Variants in SPAG16 observed in about 807,000 individuals in gnomAD.
SPAG16 encodes sperm associated antigen 16.
A neutral mutation model predicts 80.4 loss-of-function variants in SPAG16; 86 were observed. The ratio of observed to expected loss-of-function variants is 1.07; its 90% CI spans 0.90 to 1.28. The LOEUF (loss-of-function observed/expected upper bound fraction) is 1.28. SPAG16 is among the 50% of genes most tolerant of loss of function. The pLI is 0.00. For missense variants in SPAG16, 870 were observed against 765.3 expected (o/e 1.14, Z -1.61); for synonymous variants, 294 against 265.9 (o/e 1.11, Z -1.03).
At chr2:213,813,220 G>C (rs6705291) in intron 10 of SPAG16, among the ~76,000 whole-genome samples, 52,920 of 152,068 alleles carry the variant, frequency 0.35, 9,802 homozygotes, top group East Asian at 0.51. Flanking sequence ...CCTTCAAAGA[G>C]AGGCAGGGCA....
At chr2:214,006,698 T>C (rs1185407071) in intron 12 of SPAG16, among the ~76,000 whole-genome samples, 2 of 152,222 alleles carry the variant, frequency 1.3e-5, no homozygotes, top group Non-Finnish European at 2.9e-5. Flanking sequence ...ATCACTTTAG[T>C]CCATTTTCAC....
chr2:213,936,840 T>C (rs1364770684), intron 12 of SPAG16, among the ~76,000 whole-genome samples: 1 of 152,178 alleles, frequency 6.6e-6, no homozygotes, highest in Non-Finnish European at 1.5e-5. Context: ...AATGTTTCCC[T>C]TCTGCCCACT....
intron 15 of SPAG16, among the ~76,000 whole-genome samples, chr2:214,154,671 T>C (rs1432664746): frequency 6.6e-6 from 1 of 152,142 alleles, no homozygotes; most frequent in East Asian, 1.9e-4. Flanking sequence ...AGAGAACATT[T>C]ATTTAGAAGT....
intron 11 of SPAG16, among the ~76,000 whole-genome samples, chr2:213,908,128 A>G (rs1346280122): frequency 6.6e-6 from 1 of 152,172 alleles, no homozygotes; most frequent in Non-Finnish European, 1.5e-5. Flanking sequence ...GCACATAAAT[A>G]TGTACAATTA....
chr2:214,360,946 C>T (rs1699145190), intron 15 of SPAG16, among the ~76,000 whole-genome samples: 1 of 151,730 alleles, frequency 6.6e-6, no homozygotes, highest in Non-Finnish European at 1.5e-5. Context: ...ATGAATGGGC[C>T]CCCAAAAATC....
intron 11 of SPAG16, among the ~76,000 whole-genome samples, chr2:213,926,510 C>A (rs763920581): frequency 2.0e-5 from 3 of 151,898 alleles, no homozygotes; most frequent in African/African-American, 7.3e-5. Context: ...ATTTTTTTTC[C>A]GGATTTATTT....
At chr2:213,454,831 T>G (rs996827985) in intron 9 of SPAG16, among the ~76,000 whole-genome samples, 1 of 152,198 alleles carries the variant, frequency 6.6e-6, no homozygotes, top group Non-Finnish European at 1.5e-5. Context: ...CAGTTTACGT[T>G]ATTGTCTTAT....
At chr2:213,742,322 G>A (rs1449066369) in intron 10 of SPAG16, among the ~76,000 whole-genome samples, 1 of 151,938 alleles carries the variant, frequency 6.6e-6, no homozygotes, top group African/African-American at 2.4e-5. Flanking sequence ...AGAATACAAG[G>A]ACATTAGTAT....
At chr2:213,881,439 C>T (rs1372288613) in intron 11 of SPAG16, among the ~76,000 whole-genome samples, 1 of 152,156 alleles carries the variant, frequency 6.6e-6, no homozygotes. Context: ...TCTTCTTTTT[C>T]TCTTTGGATG....
intron 10 of SPAG16, among the ~76,000 whole-genome samples, chr2:213,854,294 A>G (rs557922639): frequency 1.3e-5 from 2 of 152,352 alleles, no homozygotes; most frequent in East Asian, 3.9e-4. Context: ...AACTATATGA[A>G]GGGCCAAATT....
chr2:214,132,865 G>A (rs2125503151), intron 14 of SPAG16, among the ~76,000 whole-genome samples: 1 of 152,216 alleles, frequency 6.6e-6, no homozygotes, highest in Non-Finnish European at 1.5e-5. Flanking sequence ...GGCCTAGGCG[G>A]GCGGATCACC....
intron 5 of SPAG16, among the ~76,000 whole-genome samples, chr2:213,336,787 G>A (rs560463192): frequency 6.6e-6 from 1 of 152,282 alleles, no homozygotes; most frequent in South Asian, 2.1e-4. Context: ...ATGGATCAGT[G>A]GTCTTTGTCT....
At chr2:213,537,943 T>C (rs2076306752) in intron 10 of SPAG16, among the ~76,000 whole-genome samples, 1 of 152,160 alleles carries the variant, frequency 6.6e-6, no homozygotes, top group Non-Finnish European at 1.5e-5. Flanking sequence ...AAAGTATCAG[T>C]GGGGTTTATT....
chr2:213,748,288 A>G (rs1031449355), intron 10 of SPAG16, among the ~76,000 whole-genome samples: 2 of 152,194 alleles, frequency 1.3e-5, no homozygotes, highest in African/African-American at 4.8e-5. Flanking sequence ...TGCATGTTTC[A>G]GAAGCACTTT....
intron 13 of SPAG16, among the ~76,000 whole-genome samples, chr2:214,056,938 C>A (rs2049975176): frequency 6.6e-6 from 1 of 152,268 alleles, no homozygotes; most frequent in Non-Finnish European, 1.5e-5. Context: ...CCATAAGAAG[C>A]AACTTCTCAT....
rs2075109412 is a variant in SPAG16 at position 213,855,465 on chromosome 2, A to G, written c.1071-7020A>G. On this transcript the variant is annotated intron_variant, in intron 10 of 15. Transcript: ENST00000331683. ...ATGGGGATAGTGGTAAACGTAACTC[A>G]TAGGAGAACAGGAATATCTCATTTT... Among the ~76,000 whole-genome samples, 4 of 152,366 alleles carry G rather than the reference A, an allele frequency of 2.6e-5. No individual in the cohort carries two copies. In the South Asian group the frequency reaches 8.3e-4, roughly 32 times the overall value.
intron 10 of SPAG16, among the ~76,000 whole-genome samples, chr2:213,723,985 A>G (rs1400787024): frequency 1.3e-5 from 2 of 152,202 alleles, no homozygotes; most frequent in Non-Finnish European, 2.9e-5. Context: ...TCAGGGTGAG[A>G]GAGAGAAAGA....
chr2:213,644,699 T>C (rs1479427678), intron 10 of SPAG16, among the ~76,000 whole-genome samples: 1 of 152,196 alleles, frequency 6.6e-6, no homozygotes, highest in Non-Finnish European at 1.5e-5. Flanking sequence ...AGTCAGTCTC[T>C]TTCTCTCTTT....
chr2:213,548,257 G>T (rs2076676286), intron 10 of SPAG16, among the ~76,000 whole-genome samples: 2 of 152,116 alleles, frequency 1.3e-5, no homozygotes, highest in Admixed American at 6.5e-5. Context: ...TCTGTCGCCA[G>T]GTTGGAGTGC....
Sources: gnomAD v4.1 joint callset for allele counts (sites outside exome capture counted in the v4.1 genomes callset) on GRCh38, gnomAD v4.1.1 for gene constraint, MANE v1.5 for transcripts, NCBI Gene and HGNC (gene_info 2026-07-23, HGNC 2026-07-21) for gene names.